Variants in SKA3 observed in about 807,000 individuals in gnomAD.
SKA3 encodes the protein spindle and kinetochore associated complex subunit 3.
SKA3 carries 39 observed loss-of-function variants against 44.2 expected under a neutral mutation model. That is an observed-to-expected ratio of 0.88 (90% CI 0.68 to 1.15). The LOEUF is 1.15. SKA3 is among the 50% of genes most tolerant of loss of function. The probability of loss-of-function intolerance (pLI) is 0.00; values close to 1 mark genes in which losing one functional copy is unlikely to be tolerated. For missense variants in SKA3, 511 were observed against 485.8 expected, an observed-to-expected ratio of 1.05 and a Z score of -0.49; for synonymous variants, 192 against 172.0, an observed-to-expected ratio of 1.12 and a Z score of -0.91.
chr13:21,157,507 T>C (rs1367050436), intron 7 of SKA3, among the ~76,000 whole-genome samples: 1 of 152,238 alleles, frequency 6.6e-6, no homozygotes, highest in East Asian at 1.9e-4. Context: ...ATCATAATCT[T>C]ATGACTGCTG....
intron 3 of SKA3, among the ~76,000 whole-genome samples, chr13:21,168,871 A>T (rs758081978): frequency 2.6e-5 from 4 of 152,214 alleles, no homozygotes; most frequent in Non-Finnish European, 5.9e-5. Flanking sequence ...TCTGACATGT[A>T]TCTCTTGTGC....
rs748946524 is a variant in SKA3, at chr13:21,155,826, G to A, written c.1120-15C>T. On this transcript the variant is annotated splice_polypyrimidine_tract_variant and intron_variant, in intron 7 of 8. Coordinates refer to ENST00000314759, the MANE Select transcript of SKA3 (RefSeq NM_145061.6). ...TTTGATAAAAGCTAAAAAAAAAAAA[G>A]GAAATTCCTTTTTATCGAGCCATAT... 2.0e-5 allele frequency: 12 copies of A among 607,204 alleles called. No homozygotes were observed. Among genetic ancestry groups the A allele is most frequent in the South Asian group, 2.7e-5 (1 of 36,580 alleles). The allele number at this position is 607,204 out of a possible 1,614,324, so 37.6% of individuals were successfully genotyped here.
At chr13:21,176,003 A>G (rs1455045094) in intron 1 of SKA3, among the ~76,000 whole-genome samples, 1 of 152,240 alleles carries the variant, frequency 6.6e-6, no homozygotes. Context: ...TGACGAAAGC[A>G]TATCACGTAT....
chr13:21,156,060 A>AAT (rs1870101856), intron 7 of SKA3, among the ~76,000 whole-genome samples: 1 of 151,796 alleles, frequency 6.6e-6, no homozygotes, highest in African/African-American at 2.4e-5. Context: ...GGTGGCACAC[A>AAT]CCTGTAATCC....
In SKA3 at chr13:21,168,238, G is replaced by C. The variant is rs372912263; in HGVS notation, c.493C>G (p.Arg165Gly). Residue 165 changes from arginine (R) to glycine (G), a missense_variant, in exon 4 of 9, where the codon CGG (arginine) becomes GGG (glycine). Coordinates refer to ENST00000314759, the MANE Select transcript of SKA3 (RefSeq NM_145061.6). Reference protein sequence around the residue: ...SPQLSDFGLERYIVSQVLPNP... With the variant: ...SPQLSDFGLEGYIVSQVLPNP... ...GGTAGAACTTGGGATACGATGTACCGCTCAAGTCCAAAATCTGAAAGTTGT... is the reference window on the plus strand; with the variant it reads ...GGTAGAACTTGGGATACGATGTACCCCTCAAGTCCAAAATCTGAAAGTTGT... 6.2e-7 allele frequency: 1 copy of C among 1,614,010 alleles called. No individual in the cohort carries two copies. The highest frequency in any genetic ancestry group is 1.7e-5 in the Admixed American group (1 of 60,000).
intron 5 of SKA3, among the ~76,000 whole-genome samples, chr13:21,161,061 G>C (rs1870410994): frequency 6.6e-6 from 1 of 152,256 alleles, no homozygotes; most frequent in Admixed American, 6.5e-5. Flanking sequence ...GGCGGAGGTT[G>C]CAATGAGTTG....
intron 1 of SKA3, among the ~76,000 whole-genome samples, chr13:21,175,228 T>G (rs1291430012): frequency 6.6e-6 from 1 of 151,436 alleles, no homozygotes; most frequent in Non-Finnish European, 1.5e-5. Context: ...TCCACCCACC[T>G]CGGCCTCCCA....
Position 21,167,599 on chromosome 13 carries a change from T to C in SKA3, c.743+389A>G, listed in dbSNP as rs191569276. On this transcript the variant is annotated intron_variant, in intron 4 of 8. Coordinates refer to ENST00000314759, the MANE Select transcript of SKA3 (RefSeq NM_145061.6). ...GGCTAACATGGTGAAACCCCGTCTG[T>C]ACTAAAAATACAAAAAAATTAGCCA... Among the ~76,000 whole-genome samples the C allele has an allele frequency of 3.2e-4, 49 of 152,030 alleles. 1 individual carries two copies. In the East Asian group the frequency reaches 9.3e-3, roughly 29 times the overall value.
At chr13:21,162,734 A>G (rs1031423395) in intron 4 of SKA3, among the ~76,000 whole-genome samples, 1 of 152,182 alleles carries the variant, frequency 6.6e-6, no homozygotes, top group Non-Finnish European at 1.5e-5. Context: ...CATATACAAA[A>G]GAATATATAT....
chr13:21,173,795 TACTC>T (rs1871235173), intron 1 of SKA3, among the ~76,000 whole-genome samples: 1 of 152,230 alleles, frequency 6.6e-6, no homozygotes, highest in African/African-American at 2.4e-5. Flanking sequence ...TTATTATGAA[TACTC>T]TTGCTTTGAA....
Position 21,168,179 on chromosome 13 carries a change from T to A in SKA3, c.552A>T (p.Glu184Asp). ...TAGGTGGGGTTACAATTACGGGCTC[T>A]TCCTTATAGTTGTTCACTGCCTGTG... Reference protein sequence around the residue: ...NPPQAVNNYKEEPVIVTPPTK... With the variant: ...NPPQAVNNYKDEPVIVTPPTK... Residue 184 changes from glutamate (E) to aspartate (D), a missense_variant, in exon 4 of 9, where the codon GAA (glutamate) becomes GAT (aspartate). Coordinates refer to ENST00000314759, the MANE Select transcript of SKA3 (RefSeq NM_145061.6). 1 of 1,614,120 alleles carries A rather than the reference T, an allele frequency of 6.2e-7. No individual in the cohort carries two copies. The highest frequency in any genetic ancestry group is 8.5e-7 in the Non-Finnish European group (1 of 1,179,990).
At chr13:21,166,680 C>T (rs1292278402) in intron 4 of SKA3, among the ~76,000 whole-genome samples, 8 of 152,184 alleles carry the variant, frequency 5.3e-5, no homozygotes, top group African/African-American at 1.7e-4. Context: ...TTGCAGTGAG[C>T]TGAGATCGAG....
chr13:21,167,130 G>C (rs979014948), intron 4 of SKA3, among the ~76,000 whole-genome samples: 1 of 152,088 alleles, frequency 6.6e-6, no homozygotes, highest in Non-Finnish European at 1.5e-5. Context: ...AGCATGAAGA[G>C]GCACTAACAA....
At chr13:21,159,457 C>T (rs1341389216) in intron 6 of SKA3, among the ~76,000 whole-genome samples, 3 of 152,154 alleles carry the variant, frequency 2.0e-5, no homozygotes, top group African/African-American at 7.2e-5. Context: ...TACATACACA[C>T]ACATCATTTT....
chr13:21,158,593 C>G (rs995660036), intron 6 of SKA3, among the ~76,000 whole-genome samples: 12 of 152,116 alleles, frequency 7.9e-5, no homozygotes, highest in African/African-American at 2.9e-4. Context: ...TGCACTCCAG[C>G]CTGGGTGACA....
chr13:21,172,840 C>T (rs913654516), intron 1 of SKA3, 159 bp from the exon 2 acceptor site: 9 of 286,180 alleles, frequency 3.1e-5, no homozygotes, highest in African/African-American at 2.4e-4. Flanking sequence ...TTTTACCGTA[C>T]CTTTTTTATG....
chr13:21,171,333 T>G (rs1277061728), intron 3 of SKA3, among the ~76,000 whole-genome samples: 1 of 152,050 alleles, frequency 6.6e-6, no homozygotes, highest in Non-Finnish European at 1.5e-5. Flanking sequence ...TCCCAGCACT[T>G]TGGGAGGCCG....
In SKA3 at chr13:21,155,736, T is replaced by C. The variant is rs1870076958; in HGVS notation, c.1195A>G (p.Lys399Glu). 6.2e-7 allele frequency: 1 copy of C among 1,612,460 alleles called. No individual in the cohort carries two copies. Among genetic ancestry groups the C allele is most frequent in the South Asian group, 1.1e-5 (1 of 91,050 alleles). ...KAVPPSKRFL[K>E]HGQNIRDVSN... Reference sequence around the variant, plus strand: ...ACATCTCGGATGTTCTGTCCATGTTTAAGGAACCTTTTACTGGGTGGCACT... The same window carrying C: ...ACATCTCGGATGTTCTGTCCATGTTCAAGGAACCTTTTACTGGGTGGCACT... Residue 399 changes from lysine (K) to glutamate (E), a missense_variant, in exon 8 of 9, where the codon AAA becomes GAA. Physicochemically the swap from Lys to Glu is moderately conservative, Grantham distance 56. Transcript: ENST00000314759.
At chr13:21,168,992 G>A (rs866804117) in intron 3 of SKA3, among the ~76,000 whole-genome samples, 7 of 151,854 alleles carry the variant, frequency 4.6e-5, no homozygotes, top group African/African-American at 1.7e-4. Flanking sequence ...CATCCTTAAT[G>A]TGATTTACTA....
Sources: gnomAD v4.1 joint callset for allele counts (sites outside exome capture counted in the v4.1 genomes callset) on GRCh38, gnomAD v4.1.1 for gene constraint, MANE v1.5 for transcripts, NCBI Gene and HGNC (gene_info 2026-07-23, HGNC 2026-07-21) for gene names.